SLC2A9: variants seen among roughly 807,000 people sequenced by gnomAD.
SLC2A9 encodes solute carrier family 2 member 9, also known as solute carrier family 2, facilitated glucose transporter member 9.
A neutral mutation model predicts 50.6 loss-of-function variants in SLC2A9; 39 were observed. That is an observed-to-expected ratio of 0.77 (90% confidence interval 0.60 to 1.01). SLC2A9 has a LOEUF of 1.01. Among genes scored for constraint, SLC2A9 ranks in the 50% least tolerant of loss-of-function variants. SLC2A9 has a pLI of 0.00. For synonymous variants in SLC2A9, 324 were observed against 276.9 expected, an observed-to-expected ratio of 1.17 and a Z score of -1.69; for missense variants, 686 against 677.6, an observed-to-expected ratio of 1.01 and a Z score of -0.14.
chr4:9,998,611 T>C (rs1266911633), intron 2 of SLC2A9, among the ~76,000 whole-genome samples: 1 of 152,190 alleles, frequency 6.6e-6, no homozygotes, highest in Non-Finnish European at 1.5e-5. Flanking sequence ...AAATGGAAGA[T>C]GCCTGTAGCC....
chr4:10,002,440 G>T (rs1204323609), intron 2 of SLC2A9, among the ~76,000 whole-genome samples: 1 of 152,208 alleles, frequency 6.6e-6, no homozygotes, highest in Non-Finnish European at 1.5e-5. Context: ...GGAGGCTTTT[G>T]TGGTGGAGCT....
chr4:9,927,038 T>TA, intron 6 of SLC2A9, among the ~76,000 whole-genome samples: 1 of 151,510 alleles, frequency 6.6e-6, no homozygotes, highest in South Asian at 2.1e-4. Context: ...CGATTTTTTT[T>TA]TTTTTTTTTT....
chr4:9,926,961 G>C (rs566097157), intron 6 of SLC2A9, among the ~76,000 whole-genome samples: 1 of 152,110 alleles, frequency 6.6e-6, no homozygotes, highest in Admixed American at 6.5e-5. Context: ...AGGGAGCATG[G>C]CCCTGCTGGC....
chr4:9,785,244 C>T (rs1719071144), intron 3 of SLC2A9, among the ~76,000 whole-genome samples: 1 of 152,190 alleles, frequency 6.6e-6, no homozygotes, highest in South Asian at 2.1e-4. Context: ...TCAACTAGAT[C>T]ACTGTTTACC....
intron 10 of SLC2A9, chr4:9,879,316 A>T (rs62293287): frequency 0.11 from 104,281 of 985,112 alleles, 5,776 homozygotes; most frequent in African/African-American, 0.17. Flanking sequence ...TTGTTGCAAG[A>T]GGGGAAATAG....
chr4:9,957,272 T>TA (rs778825791), intron 5 of SLC2A9, among the ~76,000 whole-genome samples: 16 of 151,910 alleles, frequency 1.1e-4, no homozygotes, highest in Non-Finnish European at 1.5e-4. Flanking sequence ...TTTCCCAGAA[T>TA]AGGCATCTCC....
intron 6 of SLC2A9, among the ~76,000 whole-genome samples, chr4:9,921,498 G>A (rs1577900906): frequency 6.6e-6 from 1 of 152,332 alleles, no homozygotes; most frequent in Non-Finnish European, 1.5e-5. Context: ...CCTGCGGACA[G>A]TCCATTCCAG....
chr4:9,787,436 C>G (rs780344211), intron 3 of SLC2A9, among the ~76,000 whole-genome samples: 1 of 152,184 alleles, frequency 6.6e-6, no homozygotes, highest in African/African-American at 2.4e-5. Context: ...TATTGTTTAC[C>G]CAGATCCCCC....
intron 2 of SLC2A9, among the ~76,000 whole-genome samples, chr4:10,008,293 G>C (rs3796839): frequency 1.3e-5 from 2 of 152,030 alleles, no homozygotes; most frequent in Non-Finnish European, 2.9e-5. Flanking sequence ...GGCATGGTGC[G>C]GGGGGAGTTG....
chr4:9,780,671 G>T (rs765272953), intron 3 of SLC2A9, among the ~76,000 whole-genome samples: 1 of 152,224 alleles, frequency 6.6e-6, no homozygotes, highest in Non-Finnish European at 1.5e-5. Flanking sequence ...TCTCCCAGCT[G>T]CCTTCAGCTG....
At position 10,029,670 on chromosome 4, in the gene SLC2A9, G is replaced by GCC. The variant is rs1359546093; in HGVS notation, c.-40-3665_-40-3664insGG. 2.9e-4 allele frequency among the ~76,000 whole-genome samples: 44 copies of GCC among 151,410 alleles called. No individual in the cohort carries two copies. The Middle Eastern group carries it at 0.01, about 36-fold the overall frequency. ...TTGGTCTTGTTGCCCAGGCTGGAGT[G>GCC]CAATGGCACAATCTCATCTAACTGC... On this transcript the variant is annotated intron_variant, in intron 1 of 12. Transcript: ENST00000309065.
chr4:9,798,132 A>G (rs1388983497), downstream of SLC2A9, among the ~76,000 whole-genome samples: 3 of 152,196 alleles, frequency 2.0e-5, no homozygotes. Flanking sequence ...GTCTGGTGCA[A>G]CCAGGTGATC....
chr4:9,772,874 C>T (rs1319861792), intron 1 of SLC2A9, among the ~76,000 whole-genome samples: 2 of 149,964 alleles, frequency 1.3e-5, no homozygotes, highest in African/African-American at 2.5e-5. Context: ...GCACATTGTG[C>T]AGGTTAGTTA....
At chr4:9,838,130 T>TC (rs1249949772) in intron 10 of SLC2A9, among the ~76,000 whole-genome samples, 1 of 152,118 alleles carries the variant, frequency 6.6e-6, no homozygotes, top group Non-Finnish European at 1.5e-5. Context: ...CTCCATTATA[T>TC]CCCCCATTTT....
intron 3 of SLC2A9, among the ~76,000 whole-genome samples, chr4:9,785,480 C>T (rs189317376): frequency 1.4e-4 from 21 of 152,314 alleles, no homozygotes; most frequent in African/African-American, 4.3e-4. Context: ...TCCATAGTCA[C>T]GACTTGAGAA....
At chr4:9,922,640 C>T (rs1334690017) in intron 6 of SLC2A9, among the ~76,000 whole-genome samples, 2 of 152,192 alleles carry the variant, frequency 1.3e-5, no homozygotes, top group Non-Finnish European at 2.9e-5. Flanking sequence ...TGGGGGACCT[C>T]CTGCAATGCA....
chr4:9,897,902 A>G (rs1281071280), intron 8 of SLC2A9, among the ~76,000 whole-genome samples: 1 of 152,168 alleles, frequency 6.6e-6, no homozygotes, highest in African/African-American at 2.4e-5. Flanking sequence ...CCACCTCAGA[A>G]AAACCAAAAA....
At chr4:9,831,032 G>T (rs1413841152) in intron 11 of SLC2A9, among the ~76,000 whole-genome samples, 3 of 152,230 alleles carry the variant, frequency 2.0e-5, no homozygotes, top group Non-Finnish European at 4.4e-5. Flanking sequence ...CAATACAGGC[G>T]TGATTCGTGC....
chr4:10,001,144 G>A (rs1759722917), intron 2 of SLC2A9, among the ~76,000 whole-genome samples: 1 of 152,122 alleles, frequency 6.6e-6, no homozygotes, highest in Non-Finnish European at 1.5e-5. Context: ...CACAAAGACA[G>A]ACACGGGTAC....
Sources: gnomAD v4.1 joint callset for allele counts (sites outside exome capture counted in the v4.1 genomes callset) on GRCh38, gnomAD v4.1.1 for gene constraint, MANE v1.5 for transcripts, NCBI Gene and HGNC (gene_info 2026-07-23, HGNC 2026-07-21) for gene names.